WSCD2: variants seen among roughly 807,000 people sequenced by gnomAD.
The protein encoded by WSCD2 is WSC domain sialate O sulfotransferase 2.
Under a neutral mutation model 55.7 loss-of-function variants are expected in WSCD2, and 28 were observed. That is an observed-to-expected ratio of 0.50 (90% CI 0.37 to 0.69). WSCD2 has a LOEUF of 0.69. Ranked by LOEUF, WSCD2 falls within the 30% of genes least tolerant of loss-of-function variation. The pLI is 0.00. For missense variants in WSCD2, 616 were observed against 762.1 expected (o/e 0.81, Z 2.26); for synonymous variants, 301 against 301.9 (o/e 1.00, Z 0.03).
chr12:108,166,984 G>C (rs1879734156), intron 1 of WSCD2, among the ~76,000 whole-genome samples: 1 of 151,518 alleles, frequency 6.6e-6, no homozygotes, highest in Admixed American at 6.6e-5. Flanking sequence ...GCTAATTTTT[G>C]TATTTTTAGT....
chr12:108,173,842 G>GTA (rs1880518247), intron 1 of WSCD2, among the ~76,000 whole-genome samples: 1 of 151,662 alleles, frequency 6.6e-6, no homozygotes, highest in East Asian at 1.9e-4. Flanking sequence ...GTGTGTGTGT[G>GTA]TGTGTGTGTG....
Position 108,224,730 on chromosome 12 carries a change from G to C in WSCD2, c.683-9G>C, listed in dbSNP as rs1887890630. 3.1e-6 allele frequency: 5 copies of C among 1,610,740 alleles called. No individual in the cohort carries two copies. The highest frequency in any genetic ancestry group is 1.3e-5 in the African/African-American group (1 of 74,860). ...TATCTGACTAGTCCTCTTCTCTCTG[G>C]CTCTTCAGATGGAAGTGCAGTGTTC... On this transcript the variant is annotated splice_polypyrimidine_tract_variant and intron_variant, in intron 4 of 8. Coordinates refer to ENST00000547525, the MANE Select transcript of WSCD2 (RefSeq NM_014653.4).
intron 1 of WSCD2, among the ~76,000 whole-genome samples, chr12:108,191,199 AG>A (rs1883113358): frequency 6.6e-6 from 1 of 152,240 alleles, no homozygotes; most frequent in South Asian, 2.1e-4. Flanking sequence ...GCTATCCCAG[AG>A]GGAGGAATAT....
Position 108,248,893 on chromosome 12 carries a change from A to G in WSCD2, c.*550A>G, listed in dbSNP as rs769802797. On this transcript the variant is annotated 3_prime_UTR_variant, in exon 9 of 9. Transcript: ENST00000547525. The surrounding 1 kb of genome is among the most constrained non-coding windows in gnomAD (Gnocchi z 4.3). Reference sequence around the variant, plus strand: ...TGCTGGGAAGTTTCTCCGTGGCCTTAGGTTTCTGACATCCTGGATAGTGTG... The same window carrying G: ...TGCTGGGAAGTTTCTCCGTGGCCTTGGGTTTCTGACATCCTGGATAGTGTG... The G allele has an allele frequency of 1.0e-6, 1 of 988,808 alleles. No homozygotes were observed. The highest frequency in any genetic ancestry group is 1.2e-6 in the Non-Finnish European group (1 of 831,760). The allele number at this position is 988,808 out of a possible 1,614,324, so 61.3% of individuals were successfully genotyped here. A position where few individuals can be genotyped will look rare whatever the true frequency, so the allele number is the denominator to read the frequency against.
In WSCD2 at chr12:108,248,402, C is replaced by A; in HGVS notation, c.*59C>A. On this transcript the variant is annotated 3_prime_UTR_variant, in exon 9 of 9. Coordinates refer to ENST00000547525, the MANE Select transcript of WSCD2 (RefSeq NM_014653.4). This position sits in a 1 kb window ranked among gnomAD's most constrained non-coding sequence, Gnocchi z 4.3. The stretch of plus-strand genomic sequence containing the variant: ...CCTGACCACGCAGGCCCTGGGGACT[C>A]AAGACCCCTGGTTACCCCCACTCAT... The A allele has an allele frequency of 6.4e-7, 1 of 1,552,118 alleles. No homozygotes were observed. The highest frequency in any genetic ancestry group is 8.7e-7 in the Non-Finnish European group (1 of 1,147,290).
intron 4 of WSCD2, among the ~76,000 whole-genome samples, chr12:108,222,232 G>A (rs1196793051): frequency 6.6e-6 from 1 of 152,172 alleles, no homozygotes; most frequent in Non-Finnish European, 1.5e-5. Context: ...CACCGCTACA[G>A]AGAGAGACAT....
At chr12:108,244,668 G>A (rs996954219) in intron 8 of WSCD2, 3 of 693,580 alleles carry the variant, frequency 4.3e-6, no homozygotes, top group African/African-American at 3.5e-5. Context: ...TACCTCATGT[G>A]GGGAGGAGCT....
intron 4 of WSCD2, among the ~76,000 whole-genome samples, chr12:108,217,480 G>T (rs552836330): frequency 6.6e-6 from 1 of 152,310 alleles, no homozygotes; most frequent in East Asian, 1.9e-4. Flanking sequence ...TGTGTATTCT[G>T]TGTCCAGATC....
intron 1 of WSCD2, among the ~76,000 whole-genome samples, chr12:108,160,187 A>G (rs1002483486): frequency 6.6e-5 from 10 of 152,130 alleles, no homozygotes; most frequent in Non-Finnish European, 1.5e-4. Flanking sequence ...CTGCAGGAAG[A>G]TGGTTGGTGG....
chr12:108,235,772 C>T (rs1222470587), intron 7 of WSCD2, among the ~76,000 whole-genome samples: 1 of 152,190 alleles, frequency 6.6e-6, no homozygotes, highest in Non-Finnish European at 1.5e-5. Flanking sequence ...GCAGCTGAGG[C>T]TTTGAATGTA....
chr12:108,207,263 G>T (rs951939668), intron 3 of WSCD2, among the ~76,000 whole-genome samples: 1 of 152,206 alleles, frequency 6.6e-6, no homozygotes, highest in African/African-American at 2.4e-5. Flanking sequence ...CAGGCTCCAG[G>T]TGGCTGTCTC....
At chr12:108,161,865 C>A (rs1486786405) in intron 1 of WSCD2, among the ~76,000 whole-genome samples, 1 of 152,180 alleles carries the variant, frequency 6.6e-6, no homozygotes, top group African/African-American at 2.4e-5. Flanking sequence ...CCACTCTGGG[C>A]CCTCAGTGCC....
At chr12:108,201,301 A>G (rs1042347413) in intron 2 of WSCD2, among the ~76,000 whole-genome samples, 2 of 151,784 alleles carry the variant, frequency 1.3e-5, no homozygotes, top group Admixed American at 6.6e-5. Flanking sequence ...CATTACTCCA[A>G]TCTCTGCTTC....
intron 6 of WSCD2, among the ~76,000 whole-genome samples, chr12:108,232,106 G>A (rs1378837998): frequency 3.3e-5 from 5 of 152,218 alleles, no homozygotes; most frequent in Admixed American, 6.5e-5. Flanking sequence ...GGCATGTGGT[G>A]GAGTGGATTA....
chr12:108,145,084 C>T (rs927100556), intron 1 of WSCD2, among the ~76,000 whole-genome samples: 11 of 152,236 alleles, frequency 7.2e-5, no homozygotes, highest in African/African-American at 2.2e-4. Flanking sequence ...ACTATGTCAT[C>T]TCAGGAGACT....
chr12:108,229,175 G>A (rs1888470873), intron 6 of WSCD2, among the ~76,000 whole-genome samples: 1 of 152,182 alleles, frequency 6.6e-6, no homozygotes, highest in African/African-American at 2.4e-5. Context: ...AGCCTGCCAA[G>A]AGCCTGGCCC....
intron 2 of WSCD2, among the ~76,000 whole-genome samples, chr12:108,199,683 A>C (rs1884413819): frequency 6.6e-6 from 1 of 152,204 alleles, no homozygotes; most frequent in Non-Finnish European, 1.5e-5. Flanking sequence ...CATCTATTAC[A>C]TCACATAATC....
At chr12:108,219,381 C>A (rs1565977731) in intron 4 of WSCD2, among the ~76,000 whole-genome samples, 1 of 152,166 alleles carries the variant, frequency 6.6e-6, no homozygotes, top group Non-Finnish European at 1.5e-5. Context: ...GGTGGATCTG[C>A]ACTCACACTG....
chr12:108,160,350 A>G (rs55879148), intron 1 of WSCD2, among the ~76,000 whole-genome samples: 4,672 of 152,314 alleles, frequency 0.031, 245 homozygotes, highest in African/African-American at 0.11. Flanking sequence ...CTATAAAGAA[A>G]TACCTGAGAC....
Sources: allele counts gnomAD v4.1 joint callset (sites outside exome capture counted in the v4.1 genomes callset), GRCh38; gene constraint gnomAD v4.1.1; non-coding constraint Gnocchi (gnomAD v3.1); transcripts MANE v1.5; gene names NCBI Gene and HGNC (gene_info 2026-07-23, HGNC 2026-07-21).